CAD: variants seen among roughly 807,000 people sequenced by gnomAD.
CAD encodes multifunctional protein CAD.
A neutral mutation model predicts 237.2 loss-of-function variants in CAD; 81 were observed. The ratio of observed to expected loss-of-function variants is 0.34; its 90% CI spans 0.29 to 0.41. CAD has a LOEUF of 0.41. CAD is among the 10% of genes least tolerant of loss of function. CAD has a pLI of 1.00. For missense variants in CAD, 2,181 were observed against 2,951.7 expected, an observed-to-expected ratio of 0.74 and a Z score of 6.05; for synonymous variants, 1,196 against 1,162.8, an observed-to-expected ratio of 1.03 and a Z score of -0.58.
intron 6 of CAD, 29 bp downstream of exon 6, chr2:27,223,066 C>CAA: frequency 6.2e-7 from 1 of 1,609,228 alleles, no homozygotes; most frequent in African/African-American, 1.3e-5. Flanking sequence ...AGAAGGGGCC[C>CAA]ATACTTGTGG....
rs763567208 is a variant in CAD at position 27,235,341 on chromosome 2, C to T, written c.3883C>T (p.Arg1295Cys). 3.1e-6 allele frequency: 5 copies of T among 1,614,046 alleles called. No homozygotes were observed. In the South Asian group the frequency reaches 3.3e-5, roughly 11 times the overall value. Residue 1295 changes from arginine to cysteine, a missense_variant, in exon 24 of 44, where the codon CGC (arginine) becomes TGC (cysteine). By Grantham distance (180) the Arg-to-Cys change is radical. Coordinates refer to ENST00000264705, the MANE Select transcript of CAD (RefSeq NM_004341.5). This position sits in a 1 kb window ranked among gnomAD's most constrained non-coding sequence, Gnocchi z 5.2. ...TGEVAGFGES[R>C]CEAYLKAMLS... The stretch of plus-strand genomic sequence containing the variant: ...GGAGGTGGCCGGCTTTGGGGAGAGC[C>T]GCTGTGAGGCATACCTCAAGGCCAT...
At position 27,223,573 on chromosome 2, in the gene CAD, C is replaced by A. The variant is rs759552111; in HGVS notation, c.820C>A (p.Arg274=). The A allele has an allele frequency of 3.7e-6, 6 of 1,612,484 alleles. No individual in the cohort carries two copies. Among genetic ancestry groups the A allele is most frequent in the Non-Finnish European group, 5.1e-6 (6 of 1,179,960 alleles). The stretch of plus-strand genomic sequence containing the variant: ...TGCTTCTACCTCCAGATATGGGAAC[C>A]GAGGCCATAACCAGCCCTGCTTGTT... ...AKTYKMRYGN[R]GHNQPCLLVG... is the part of the protein sequence containing the mutation. The change falls in exon 7 of 44, where the codon CGA becomes AGA. Residue 274 remains arginine (R), a synonymous_variant. Coordinates refer to ENST00000264705, the MANE Select transcript of CAD (RefSeq NM_004341.5).
At chr2:27,222,700 C>T (rs747773295) in intron 5 of CAD, 40 bp downstream of exon 5, 1 of 1,601,270 alleles carries the variant, frequency 6.2e-7, no homozygotes, top group South Asian at 1.1e-5. Flanking sequence ...AGACAAGCAG[C>T]TTGGGTGGAA....
At position 27,236,814 on chromosome 2, in the gene CAD, G is replaced by A. The variant is rs201525476; in HGVS notation, c.4380G>A (p.Lys1460=). Residue 1460 remains lysine (K), a synonymous_variant, in exon 27 of 44, where the codon AAG becomes AAA. Transcript: ENST00000264705. The surrounding 1 kb of genome is among the most constrained non-coding windows in gnomAD (Gnocchi z 4.1). ...ATGTTGACTGTATGACCTCCCAAAA[G>A]CTTGTGCGACTGCCGGGTAAGTCTT... The part of the protein sequence containing the change: ...KVHVDCMTSQ[K]LVRLPGLIDV... 1.2e-6 allele frequency: 2 copies of A among 1,614,110 alleles called. No individual in the cohort carries two copies. Among genetic ancestry groups the A allele is most frequent in the East Asian group, 2.2e-5 (1 of 44,866 alleles).
chr2:27,240,622 AT>A lies in CAD; in HGVS notation c.5593+262del. On this transcript the variant is annotated intron_variant, in intron 35 of 43. Coordinates refer to ENST00000264705, the MANE Select transcript of CAD (RefSeq NM_004341.5). The surrounding 1 kb of genome is among the most constrained non-coding windows in gnomAD (Gnocchi z 4.6). ...CACGGGGCAGCAGAGCGTGGGGTAA[AT>A]CCAGGTTGTTGGTTGGTGTGAGTCT... is the stretch of plus-strand genomic sequence containing the variant. 6.5e-7 allele frequency: 1 copy of A among 1,543,494 alleles called. No homozygotes were observed. Among genetic ancestry groups the A allele is most frequent in the Non-Finnish European group, 8.7e-7 (1 of 1,142,948 alleles).
At position 27,237,559 on chromosome 2, in the gene CAD, C is replaced by G. The variant is rs776790520; in HGVS notation, c.4563+14C>G. ...CTGGCCCAGAAGGTGAGCCACTGCA[C>G]TCTTCCTGGTATTGGAGACCCATAT... On this transcript the variant is annotated intron_variant, in intron 28 of 43. Transcript: ENST00000264705. This position sits in a 1 kb window ranked among gnomAD's most constrained non-coding sequence, Gnocchi z 4.0. 26 of 1,610,368 alleles carry G rather than the reference C, an allele frequency of 1.6e-5. No homozygotes were observed. In the South Asian group the frequency reaches 2.9e-4, roughly 18 times the overall value.
intron 16 of CAD, 44 bp downstream of exon 16, chr2:27,231,624 T>G (rs781762019): frequency 8.4e-7 from 1 of 1,187,722 alleles, no homozygotes. Context: ...AAATAGACCC[T>G]GCTTCTCATC....
In CAD at chr2:27,242,676, G is replaced by A; in HGVS notation, c.6279G>A (p.Leu2093=). Residue 2093 remains leucine, a synonymous_variant, in exon 41 of 44, where the codon CTG becomes CTA. Transcript: ENST00000264705. This position sits in a 1 kb window ranked among gnomAD's most constrained non-coding sequence, Gnocchi z 6.4. ...HGRTVHSLAC[L]LTQYRVSLRY... ...GCACAGTACATTCCCTGGCCTGCCT[G>A]CTCACCCAGTATCGTGTCAGCCTGC... The A allele has an allele frequency of 6.2e-7, 1 of 1,613,660 alleles. No homozygotes were observed. Among genetic ancestry groups the A allele is most frequent in the Non-Finnish European group, 8.5e-7 (1 of 1,179,678 alleles).
chr2:27,225,357 A>G (rs550851747), intron 11 of CAD, 114 bp downstream of exon 11: 2 of 610,284 alleles, frequency 3.3e-6, no homozygotes, highest in Non-Finnish European at 5.3e-6. Flanking sequence ...CGCAGGCTGG[A>G]GTACAGTGGC....
chr2:27,224,821 A>G lies in CAD; in HGVS notation c.1331A>G (p.Gln444Arg). The change falls in exon 10 of 44, where the codon CAG becomes CGG. Residue 444 changes from glutamine to arginine, a missense_variant. Physicochemically the swap from Gln to Arg is conservative, Grantham distance 43. Transcript: ENST00000264705. Reference protein sequence around the residue: ...NPNIATVQTSQGLADKVYFLP... With the variant: ...NPNIATVQTSRGLADKVYFLP... ...AATATTGCCACAGTGCAGACCTCCC[A>G]GGGGCTGGCCGACAAGGTCTATTTT... The G allele has an allele frequency of 2.5e-6, 4 of 1,614,190 alleles. No homozygotes were observed. The South Asian group carries it at 3.3e-5, about 13-fold the overall frequency.
rs760514502 is a variant in CAD, at chr2:27,225,786, G to A, written c.1702G>A (p.Ala568Thr). The A allele has an allele frequency of 1.9e-6, 3 of 1,614,190 alleles. No homozygotes were observed. Residue 568 changes from alanine to threonine, a missense_variant, in exon 12 of 44, where the codon GCC becomes ACC. By Grantham distance (58) the Ala-to-Thr change is moderately conservative. Around this residue, in one of 12 missense-constraint regions of CAD, gnomAD observed 174 missense variants for 215.8 expected, o/e 0.81. Transcript: ENST00000264705. ...CCTGGGTGGCCTGGGCTCTGGCTTTGCCTCTAACAGGGAGGAGCTCTCTGC... is the reference window on the plus strand; with the variant it reads ...CCTGGGTGGCCTGGGCTCTGGCTTTACCTCTAACAGGGAGGAGCTCTCTGC... ...FALGGLGSGF[A>T]SNREELSALV...
chr2:27,221,202 C>T lies in CAD; in HGVS notation c.223-16C>T. On this transcript the variant is annotated splice_polypyrimidine_tract_variant and intron_variant, in intron 2 of 43. Transcript: ENST00000264705. ...AACTTGGCCTGAGGCTTCTCACAAT[C>T]TCTTTCCATCTACAGTGGTTTGAAT... 2 of 1,487,692 alleles carry T rather than the reference C, an allele frequency of 1.3e-6. No homozygotes were observed. The highest frequency in any genetic ancestry group is 1.8e-6 in the Non-Finnish European group (2 of 1,108,736). The allele number at this position is 1,487,692 out of a possible 1,614,324, so 92.2% of individuals were successfully genotyped here. A position where few individuals can be genotyped will look rare whatever the true frequency, so the allele number is the denominator to read the frequency against.
chr2:27,239,765 AC>A lies in CAD; in HGVS notation c.5466del (p.Ser1823GlnfsTer8). ...CACAGGGGGCTGTTCCTCAGCTCCC[AC>A]CCTCAGCCCCTGCCACTAGTGAGAT... ...WPQGAVPQLP[P>X]SAPATSEMTT... On this transcript the variant is annotated frameshift_variant, in exon 34 of 44. Transcript: ENST00000264705. LOFTEE classifies it high-confidence loss of function. This position sits in a 1 kb window ranked among gnomAD's most constrained non-coding sequence, Gnocchi z 4.0. The A allele has an allele frequency of 1.3e-6, 2 of 1,582,070 alleles. No individual in the cohort carries two copies. Among genetic ancestry groups the A allele is most frequent in the Non-Finnish European group, 1.7e-6 (2 of 1,163,230 alleles).
chr2:27,222,251 A>T lies in CAD; in HGVS notation c.410A>T (p.Lys137Met). Residue 137 changes from lysine to methionine, a missense_variant, in exon 4 of 44, where the codon AAG becomes ATG. Physicochemically the swap from Lys to Met is moderately conservative, Grantham distance 95 (BLOSUM62 -1). Around this residue, in one of 12 missense-constraint regions of CAD, gnomAD observed 314 missense variants for 339.4 expected, o/e 0.93. Transcript: ENST00000264705. ...CGGGAACAGGGGTCTCTGCTGGGGAAGCTGGTCCAGAATGGAACAGAACCT... is the reference window on the plus strand; with the variant it reads ...CGGGAACAGGGGTCTCTGCTGGGGATGCTGGTCCAGAATGGAACAGAACCT... ...KLREQGSLLG[K>M]LVQNGTEPSS... 1.2e-6 allele frequency: 2 copies of T among 1,614,054 alleles called. No homozygotes were observed. The highest frequency in any genetic ancestry group is 1.7e-6 in the Non-Finnish European group (2 of 1,179,994).
intron 2 of CAD, 24 bp from the exon 3 acceptor site, chr2:27,221,194 C>T (rs781213821): frequency 5.4e-6 from 8 of 1,489,706 alleles, no homozygotes; most frequent in Non-Finnish European, 7.2e-6. Context: ...CCTGAGGCTT[C>T]TCACAATCTC....
chr2:27,236,169 C>T lies in CAD; in HGVS notation c.4075-115C>T. On this transcript the variant is annotated intron_variant, in intron 25 of 43. Coordinates refer to ENST00000264705, the MANE Select transcript of CAD (RefSeq NM_004341.5). The surrounding 1 kb of genome is among the most constrained non-coding windows in gnomAD (Gnocchi z 4.1). ...ATAGAGGCAGCCCTCAGTGCCCACC[C>T]TATGGGTCCTCAGTCTCCTCATCAT... 7.1e-7 allele frequency: 1 copy of T among 1,406,190 alleles called. No individual in the cohort carries two copies. The allele number at this position is 1,406,190 out of a possible 1,614,324, so 87.1% of individuals were successfully genotyped here. A position where few individuals can be genotyped will look rare whatever the true frequency, so the allele number is the denominator to read the frequency against.
Position 27,243,272 on chromosome 2 carries a change from G to T in CAD, c.6555G>T (p.Met2185Ile). 1 of 1,614,094 alleles carries T rather than the reference G, an allele frequency of 6.2e-7. No individual in the cohort carries two copies. Among genetic ancestry groups the T allele is most frequent in the Non-Finnish European group, 8.5e-7 (1 of 1,180,014 alleles). ...AKKKMVVMHP[M>I]PRVNEISVEV... ...AGAAGATGGTGGTGATGCACCCGAT[G>T]CCCCGTGTCAACGAGATAAGGTGGT... The change falls in exon 43 of 44, where the codon ATG becomes ATT. Residue 2185 changes from methionine to isoleucine, a missense_variant. Physicochemically the swap from Met to Ile is conservative, Grantham distance 10. Transcript: ENST00000264705.
At chr2:27,243,073 C>A in intron 42 of CAD, 100 bp downstream of exon 42, 3 of 1,338,910 alleles carry the variant, frequency 2.2e-6, no homozygotes, top group Non-Finnish European at 3.2e-6. Context: ...AGCTGTTAAA[C>A]TTCACATCTG....
rs1031172157 is a variant in CAD, at chr2:27,217,482, C to G, written c.-70C>G. The stretch of plus-strand genomic sequence containing the variant: ...GACCGACTCCGGCGCGCCGTCCTCA[C>G]GTGGTTCCAGTGGAGTTTGCAGTCC... On this transcript the variant is annotated 5_prime_UTR_variant, in exon 1 of 44. Transcript: ENST00000264705. The G allele has an allele frequency of 5.3e-6, 7 of 1,332,050 alleles. No homozygotes were observed. The African/African-American group carries it at 8.7e-5, about 17-fold the overall frequency. The allele number at this position is 1,332,050 out of a possible 1,614,324, so 82.5% of individuals were successfully genotyped here. A position where few individuals can be genotyped will look rare whatever the true frequency, so the allele number is the denominator to read the frequency against.
Sources: gnomAD v4.1 joint callset for allele counts on GRCh38, gnomAD v4.1.1 for gene constraint, gnomAD v4.1.1 regional missense constraint, Gnocchi (gnomAD v3.1) non-coding constraint, MANE v1.5 for transcripts, NCBI Gene and HGNC (gene_info 2026-07-23, HGNC 2026-07-21) for gene names.